Variants in DST observed in about 807,000 individuals in gnomAD.
The protein encoded by DST is bullous pemphigoid antigen.
In DST, 253 loss-of-function variants were observed where a neutral mutation model predicts 875.2. The observed-to-expected ratio is 0.29, with a 90% CI of 0.26 to 0.32. DST has a LOEUF of 0.32. Among genes scored for constraint, DST ranks in the 10% least tolerant of loss-of-function variants. The probability of loss-of-function intolerance (pLI) is 1.00; values close to 1 mark genes in which losing one functional copy is unlikely to be tolerated. For missense variants in DST, 8,287 were observed against 9,111.6 expected, an observed-to-expected ratio of 0.91 and a Z score of 3.68; for synonymous variants, 3,124 against 3,197.1, an observed-to-expected ratio of 0.98 and a Z score of 0.77.
Position 56,509,736 on chromosome 6 carries a change from C to G in DST, c.18918G>C (p.Met6306Ile), listed in dbSNP as rs377077173. ...ISENKNVSVD[M>I]EKLQPLYETL... ...TTTCATACAACGGCTGTAGCTTTTC[C>G]ATGTCTACTGACACATTCTTATTTT... is the stretch of plus-strand genomic sequence containing the variant. Residue 6306 changes from methionine (M) to isoleucine (I), a missense_variant, in exon 74 of 104, where the codon ATG becomes ATC. Physicochemically the swap from Met to Ile is conservative, Grantham distance 10. Transcript: ENST00000680361. 15 of 1,613,554 alleles carry G rather than the reference C, an allele frequency of 9.3e-6. No homozygotes were observed. The highest frequency in any genetic ancestry group is 1.3e-5 in the Non-Finnish European group (15 of 1,179,744).
chr6:56,464,166 T>C (rs1387070684), intron 100 of DST: 1 of 357,496 alleles, frequency 2.8e-6, no homozygotes, highest in African/African-American at 2.1e-5. Flanking sequence ...GGACTGTGTC[T>C]TTTGCATGTA....
intron 46 of DST, among the ~76,000 whole-genome samples, chr6:56,598,243 C>T (rs1408616523): frequency 3.3e-5 from 5 of 152,166 alleles, no homozygotes; most frequent in African/African-American, 7.2e-5. Context: ...AGTGATCACA[C>T]ATTTCACAAG....
chr6:56,511,397 G>C lies in DST; in HGVS notation c.18580C>G (p.Leu6194Val). 1 of 1,598,306 alleles carries C rather than the reference G, an allele frequency of 6.3e-7. No individual in the cohort carries two copies. The highest frequency in any genetic ancestry group is 8.5e-7 in the Non-Finnish European group (1 of 1,172,026). The change falls in exon 73 of 104, where the codon CTG (leucine) becomes GTG (valine). Residue 6194 changes from leucine (L) to valine (V), a missense_variant. This residue lies in a region of DST where 1,292 missense variants were observed against 1,552.7 expected (regional missense o/e 0.83). Coordinates refer to ENST00000680361, the MANE Select transcript of DST (RefSeq NM_001374736.1). ...LRQQQEEHRQ[L>V]RELIAEHKPH... is the part of the protein sequence containing the mutation. ...TTGTGTTCAGCTATCAACTCACGCA[G>C]TTGCTATAACAAACCAAACAGCTTT...
intron 27 of DST, among the ~76,000 whole-genome samples, chr6:56,633,774 TTAC>T (rs1351202829): frequency 6.6e-6 from 1 of 152,152 alleles, no homozygotes; most frequent in Non-Finnish European, 1.5e-5. Context: ...AGTCCTGGGA[TTAC>T]AGGCGTGAGC....
Position 56,632,881 on chromosome 6 carries a change from G to C in DST, c.3778C>G (p.Gln1260Glu), listed in dbSNP as rs771646928. The change falls in exon 28 of 104, where the codon CAA becomes GAA. Residue 1260 changes from glutamine to glutamate, a missense_variant. By Grantham distance (29) the Gln-to-Glu change is conservative (BLOSUM62 2). Coordinates refer to ENST00000680361, the MANE Select transcript of DST (RefSeq NM_001374736.1). ...KEVNVCKQYY[Q>E]ELLKSAEREE... Reference sequence around the variant, plus strand: ...CTTTCTGCAGATTTAAGAAGTTCTTGATAATACTGCTTACATACATTAACC... The same window carrying C: ...CTTTCTGCAGATTTAAGAAGTTCTTCATAATACTGCTTACATACATTAACC... 6.2e-7 allele frequency: 1 copy of C among 1,613,858 alleles called. No homozygotes were observed. The highest frequency in any genetic ancestry group is 1.3e-5 in the African/African-American group (1 of 75,032).
chr6:56,744,860 T>A (rs1174233050), intron 4 of DST, among the ~76,000 whole-genome samples: 2 of 152,150 alleles, frequency 1.3e-5, no homozygotes, highest in Non-Finnish European at 2.9e-5. Flanking sequence ...TAGGAAAAAG[T>A]CCCCACTCTC....
intron 9 of DST, among the ~76,000 whole-genome samples, chr6:56,679,029 T>A (rs1026551506): frequency 1.7e-4 from 26 of 152,316 alleles, no homozygotes; most frequent in Admixed American, 1.5e-3. Flanking sequence ...AACATACATG[T>A]TAATAAACTG....
In DST at chr6:56,756,682, T is replaced by G. The variant is rs1021428678; in HGVS notation, c.626-21393A>C. Among the ~76,000 whole-genome samples the G allele has an allele frequency of 1.1e-4, 16 of 152,302 alleles. 1 individual carries two copies. In the South Asian group the frequency reaches 3.3e-3, roughly 32 times the overall value. On this transcript the variant is annotated intron_variant, in intron 4 of 103. Coordinates refer to ENST00000680361, the MANE Select transcript of DST (RefSeq NM_001374736.1). ...CCTTCAACAACCAAGCATTTTTATC[T>G]AAGACAGAACAAAGATCAGAGGAGA... is the stretch of plus-strand genomic sequence containing the variant.
Position 56,511,281 on chromosome 6 carries a change from T to TGCC in DST, c.18693_18695dup (p.Ala6233dup). 1 of 1,603,266 alleles carries TGCC rather than the reference T, an allele frequency of 6.2e-7. No homozygotes were observed. The highest frequency in any genetic ancestry group is 8.5e-7 in the Non-Finnish European group (1 of 1,174,284). ...TAATTTGACTGTAAAGGGTGTCGGC[T>TGCC]GCCACATACTTCTCTTGGATAGAAA... On this transcript the variant is annotated inframe_insertion, in exon 73 of 104. Coordinates refer to ENST00000680361, the MANE Select transcript of DST (RefSeq NM_001374736.1).
chr6:56,751,905 C>T (rs2099588260), intron 4 of DST, among the ~76,000 whole-genome samples: 1 of 152,052 alleles, frequency 6.6e-6, no homozygotes, highest in South Asian at 2.1e-4. Context: ...CACCTGACAC[C>T]TGACTAGAAA....
rs1410583323 is a variant in DST, at chr6:56,937,385, A to G, written c.216+16400T>C. On this transcript the variant is annotated intron_variant, in intron 2 of 103. Coordinates refer to ENST00000680361, the MANE Select transcript of DST (RefSeq NM_001374736.1). ...TTGAACACTTCACCAGAGAAGATAT[A>G]TGAATAGCTAAAAAGCATGTGAAAA... Among the ~76,000 whole-genome samples, 3 of 152,230 alleles carry G rather than the reference A, an allele frequency of 2.0e-5. No individual in the cohort carries two copies. The East Asian group carries it at 5.8e-4, about 29-fold the overall frequency.
At chr6:56,477,022 C>T (rs2095226919) in intron 91 of DST, among the ~76,000 whole-genome samples, 1 of 152,030 alleles carries the variant, frequency 6.6e-6, no homozygotes, top group South Asian at 2.1e-4. Context: ...ATTCACTCCA[C>T]CAGTATATAC....
intron 4 of DST, among the ~76,000 whole-genome samples, chr6:56,755,213 T>C (rs80267940): frequency 0.071 from 10,757 of 151,864 alleles, 1,211 homozygotes; most frequent in African/African-American, 0.24. Context: ...AGAGAAGAGT[T>C]ACCAGTGTAA....
chr6:56,463,910 A>T lies in DST; in HGVS notation c.22760-146T>A, dbSNP rs368302586. 3.1e-4 allele frequency: 269 copies of T among 864,234 alleles called. 3 individuals carry two copies. The South Asian group carries it at 3.4e-3, about 11-fold the overall frequency. 53.5% of individuals were successfully genotyped at this position (864,234 alleles called of 1,614,324 possible). ...CTTTTTGCCATGCCAACTCCAACTC[A>T]GCATAACAAAAAGTTAAATGCATTC... is the stretch of plus-strand genomic sequence containing the variant. On this transcript the variant is annotated intron_variant, in intron 100 of 103. Coordinates refer to ENST00000680361, the MANE Select transcript of DST (RefSeq NM_001374736.1).
chr6:56,804,355 T>TA lies in DST; in HGVS notation c.625+47041dup, dbSNP rs933149388. Among the ~76,000 whole-genome samples, 23 of 151,826 alleles carry TA rather than the reference T, an allele frequency of 1.5e-4. 1 individual carries two copies. In the South Asian group the frequency reaches 4.2e-3, roughly 28 times the overall value. ...GTTAAGTAAGATTAAAAATAAATGT[T>TA]AAAAAAAAATTTAAGGTAATTATGA... On this transcript the variant is annotated intron_variant, in intron 4 of 103. Transcript: ENST00000680361.
intron 4 of DST, among the ~76,000 whole-genome samples, chr6:56,797,460 C>T (rs1049346781): frequency 2.0e-5 from 3 of 152,152 alleles, no homozygotes; most frequent in Non-Finnish European, 2.9e-5. Context: ...AAAGCCAAAA[C>T]GGGCCAAAAG....
intron 3 of DST, among the ~76,000 whole-genome samples, chr6:56,889,234 C>T (rs1252073438): frequency 6.6e-6 from 1 of 152,218 alleles, no homozygotes; most frequent in African/African-American, 2.4e-5. Context: ...CTCACATCTT[C>T]CATGAAATCC....
chr6:56,671,734 C>T (rs1046487437), intron 9 of DST, among the ~76,000 whole-genome samples: 5 of 152,134 alleles, frequency 3.3e-5, no homozygotes, highest in Admixed American at 2.6e-4. Flanking sequence ...CAGTGCAAGA[C>T]GCAAAGCCAA....
chr6:56,654,742 G>A (rs527881501), intron 10 of DST, among the ~76,000 whole-genome samples: 12 of 151,884 alleles, frequency 7.9e-5, no homozygotes, highest in Non-Finnish European at 1.5e-4. Flanking sequence ...TTGCATGAGA[G>A]ATTTTTTTGG....
Sources: gnomAD v4.1 joint callset for allele counts (sites outside exome capture counted in the v4.1 genomes callset) on GRCh38, gnomAD v4.1.1 for gene constraint, gnomAD v4.1.1 regional missense constraint, MANE v1.5 for transcripts, NCBI Gene and HGNC (gene_info 2026-07-23, HGNC 2026-07-21) for gene names.